SPECC1: variants seen among roughly 807,000 people sequenced by gnomAD.
The protein encoded by SPECC1 is sperm antigen with calponin homology and coiled-coil domains 1.
A neutral mutation model predicts 104.1 loss-of-function variants in SPECC1; 62 were observed. That is an observed-to-expected ratio of 0.60 (90% CI 0.49 to 0.74). SPECC1 has a LOEUF of 0.74. Among genes scored for constraint, SPECC1 ranks in the 30% least tolerant of loss-of-function variants. The pLI is 0.00. For missense variants in SPECC1, 1,306 were observed against 1,310.5 expected (o/e 1.00, Z 0.05); for synonymous variants, 513 against 501.6 (o/e 1.02, Z -0.30).
chr17:20,177,021 C>T (rs1008719689), intron 3 of SPECC1, among the ~76,000 whole-genome samples: 1 of 152,084 alleles, frequency 6.6e-6, no homozygotes, highest in Non-Finnish European at 1.5e-5. Flanking sequence ...AAGGTGTGGA[C>T]CTCAGACAAG....
chr17:20,098,197 C>G (rs2047745257), intron 2 of SPECC1, among the ~76,000 whole-genome samples: 1 of 152,164 alleles, frequency 6.6e-6, no homozygotes, highest in South Asian at 2.1e-4. Context: ...CATCCCCTAA[C>G]CTGCTCCCCC....
rs1420200225 is a variant in SPECC1, at chr17:20,257,579, C to A, written c.2809C>A (p.Arg937=). 1 of 1,612,674 alleles carries A rather than the reference C, an allele frequency of 6.2e-7. No homozygotes were observed. The highest frequency in any genetic ancestry group is 8.5e-7 in the Non-Finnish European group (1 of 1,179,696). Residue 937 remains arginine, a synonymous_variant, in exon 11 of 15, where the codon CGG becomes AGG. Coordinates refer to ENST00000395527, the MANE Select transcript of SPECC1 (RefSeq NM_001243439.2). ...CACAAGACTGCTGAGTGCTTCCACC[C>A]GGGCATGGAAACCACAAAGCAAACT... ...GDTRLLSAST[R]AWKPQSKLSV...
At chr17:20,073,023 C>G (rs952739276) in intron 1 of SPECC1, among the ~76,000 whole-genome samples, 1 of 151,934 alleles carries the variant, frequency 6.6e-6, no homozygotes, top group African/African-American at 2.4e-5. Flanking sequence ...GTGAGGATGC[C>G]CATATCATTT....
At chr17:20,212,526 A>G (rs1466074260) in intron 4 of SPECC1, among the ~76,000 whole-genome samples, 1 of 152,288 alleles carries the variant, frequency 6.6e-6, no homozygotes, top group East Asian at 1.9e-4. Context: ...TTATATAATC[A>G]TCAGATCTCG....
chr17:20,296,827 A>C (rs1176118805), intron 12 of SPECC1, 134 bp from the exon 13 acceptor site: 20 of 736,730 alleles, frequency 2.7e-5, no homozygotes, highest in Non-Finnish European at 3.9e-5. Flanking sequence ...TCTGTCTGTT[A>C]TTGGTGTATA....
chr17:20,246,070 A>C lies in SPECC1; in HGVS notation c.2496A>C (p.Pro832=). ...TCAAGTCATTTGACTTGGGACGCCC[A>C]GGTATTTAATCATTTTTTCTATAAG... ...SLIKSFDLGR[P]GGAGQNISVH... is the part of the protein sequence containing the mutation. Residue 832 remains proline, a splice_region_variant and synonymous_variant, in exon 8 of 15, where the codon CCA becomes CCC. Transcript: ENST00000395527. 1 of 1,613,858 alleles carries C rather than the reference A, an allele frequency of 6.2e-7. No homozygotes were observed. The highest frequency in any genetic ancestry group is 8.5e-7 in the Non-Finnish European group (1 of 1,179,864).
intron 3 of SPECC1, among the ~76,000 whole-genome samples, chr17:20,138,651 C>T (rs1444494757): frequency 6.6e-6 from 1 of 152,154 alleles, no homozygotes; most frequent in African/African-American, 2.4e-5. Flanking sequence ...GCTTCTTTCA[C>T]TTAGTAATAC....
At chr17:20,294,640 T>A (rs991166935) in intron 12 of SPECC1, among the ~76,000 whole-genome samples, 1 of 62,600 alleles carries the variant, frequency 1.6e-5, no homozygotes, top group East Asian at 3.0e-3. Context: ...GTGGTGGGGA[T>A]GATGGTCATG....
At chr17:20,152,385 G>A (rs1190455358) in intron 3 of SPECC1, among the ~76,000 whole-genome samples, 1 of 152,172 alleles carries the variant, frequency 6.6e-6, no homozygotes, top group African/African-American at 2.4e-5. Context: ...TCTGAGATGT[G>A]CAGGCAGACC....
At chr17:20,175,905 T>C (rs2034440326) in intron 3 of SPECC1, among the ~76,000 whole-genome samples, 1 of 152,228 alleles carries the variant, frequency 6.6e-6, no homozygotes, top group Non-Finnish European at 1.5e-5. Context: ...CAGGTGTGAA[T>C]TCAACTACTC....
intron 1 of SPECC1, among the ~76,000 whole-genome samples, chr17:20,021,216 T>C (rs2044362105): frequency 1.3e-5 from 2 of 151,970 alleles, no homozygotes; most frequent in Non-Finnish European, 2.9e-5. Context: ...GTAGCAGAAG[T>C]GGAAGAAAAT....
chr17:20,036,808 T>A (rs2045106172), intron 1 of SPECC1, among the ~76,000 whole-genome samples: 1 of 152,210 alleles, frequency 6.6e-6, no homozygotes, highest in Non-Finnish European at 1.5e-5. Flanking sequence ...TTTCCCTTTC[T>A]TATCGTTTTG....
intron 4 of SPECC1, among the ~76,000 whole-genome samples, chr17:20,216,874 G>A (rs1409963300): frequency 6.6e-6 from 1 of 152,108 alleles, no homozygotes; most frequent in East Asian, 1.9e-4. Context: ...TAAGGAGCTG[G>A]CCAGTCAGAC....
At chr17:20,311,372 C>T (rs2041926157) in intron 14 of SPECC1, among the ~76,000 whole-genome samples, 1 of 151,144 alleles carries the variant, frequency 6.6e-6, no homozygotes, top group South Asian at 2.1e-4. Flanking sequence ...ACTTCCAGTA[C>T]ATTTTTTTTT....
At chr17:20,202,927 T>G (rs2036528662) in intron 3 of SPECC1, among the ~76,000 whole-genome samples, 1 of 152,244 alleles carries the variant, frequency 6.6e-6, no homozygotes, top group African/African-American at 2.4e-5. Context: ...CAGTTCAGCC[T>G]TTATTAGGTC....
intron 3 of SPECC1, among the ~76,000 whole-genome samples, chr17:20,172,864 T>C (rs952159830): frequency 6.6e-6 from 1 of 152,190 alleles, no homozygotes; most frequent in Non-Finnish European, 1.5e-5. Flanking sequence ...GAGGCCTGAT[T>C]ATAAGTGGAT....
At chr17:20,151,379 G>T (rs2152567158) in intron 3 of SPECC1, among the ~76,000 whole-genome samples, 1 of 152,276 alleles carries the variant, frequency 6.6e-6, no homozygotes, top group African/African-American at 2.4e-5. Flanking sequence ...GCATTTTTTT[G>T]AATATTGTTT....
intron 3 of SPECC1, chr17:20,126,419 T>C (rs769369847): frequency 1.3e-5 from 2 of 152,358 alleles, no homozygotes; most frequent in African/African-American, 2.4e-5. Context: ...ACTTTGAATG[T>C]CATCCTTACA....
intron 3 of SPECC1, among the ~76,000 whole-genome samples, chr17:20,122,535 T>C (rs984099436): frequency 3.9e-5 from 6 of 152,192 alleles, no homozygotes; most frequent in Non-Finnish European, 8.8e-5. Context: ...TTCAGCGGCA[T>C]TAAGTTCATT....
Sources: gnomAD v4.1 joint callset for allele counts (sites outside exome capture counted in the v4.1 genomes callset) on GRCh38, gnomAD v4.1.1 for gene constraint, MANE v1.5 for transcripts, NCBI Gene and HGNC (gene_info 2026-07-23, HGNC 2026-07-21) for gene names.